Variants in SMAD1 observed in about 807,000 individuals in gnomAD.
The protein encoded by SMAD1 is MAD, mothers against decapentaplegic homolog 1.
Under a neutral mutation model 41.6 loss-of-function variants are expected in SMAD1, and 6 were observed. The observed-to-expected ratio is 0.14, with a 90% CI of 0.08 to 0.28. The LOEUF (loss-of-function observed/expected upper bound fraction) is 0.28. Among genes scored for constraint, SMAD1 ranks in the 10% least tolerant of loss-of-function variants. The pLI is 1.00. For missense variants in SMAD1, 379 were observed against 582.6 expected (o/e 0.65, Z 3.60); for synonymous variants, 206 against 203.2 (o/e 1.01, Z -0.12).
chr4:145,557,478 C>A (rs905557372), intron 6 of SMAD1, among the ~76,000 whole-genome samples: 38 of 152,182 alleles, frequency 2.5e-4, no homozygotes, highest in African/African-American at 8.9e-4. Context: ...CAGTAATGGG[C>A]AATTAAAAGT....
intron 2 of SMAD1, among the ~76,000 whole-genome samples, chr4:145,522,563 C>T (rs1730803881): frequency 6.6e-6 from 1 of 152,120 alleles, no homozygotes; most frequent in East Asian, 1.9e-4. Flanking sequence ...TGTGTCATTG[C>T]ACTTCAGCCT....
chr4:145,487,653 AAG>A lies in SMAD1; in HGVS notation c.-177+5619_-177+5620del, dbSNP rs538754169. ...GTAGCCACCTTTAAAAAGAAAAGGA[AAG>A]AGAAGAAAAAGGCAGAGCCAAATAG... On this transcript the variant is annotated intron_variant, in intron 1 of 6. Transcript: ENST00000302085. 1.1e-3 allele frequency among the ~76,000 whole-genome samples: 175 copies of A among 152,354 alleles called. No individual in the cohort carries two copies. The South Asian group carries it at 0.033, about 29-fold the overall frequency.
rs532533558 is a variant in SMAD1, at chr4:145,534,924, A to G, written c.401-4880A>G. Among the ~76,000 whole-genome samples the G allele has an allele frequency of 5.3e-4, 80 of 152,346 alleles. 1 individual carries two copies. Among genetic ancestry groups the G allele is most frequent in the African/African-American group, 1.8e-3 (76 of 41,590 alleles). ...TTGATAAATGTGCCTACCAAAAAAT[A>G]TACATAAGTGAAAAGACAAATGATA... On this transcript the variant is annotated intron_variant, in intron 2 of 6. Transcript: ENST00000302085.
At chr4:145,516,237 T>G (rs191765441) in intron 2 of SMAD1, among the ~76,000 whole-genome samples, 3 of 152,172 alleles carry the variant, frequency 2.0e-5, no homozygotes, top group Admixed American at 6.5e-5. Flanking sequence ...TCCATGACAA[T>G]ATGTAATATT....
At chr4:145,548,399 T>G (rs189352103) in intron 5 of SMAD1, among the ~76,000 whole-genome samples, 1 of 152,102 alleles carries the variant, frequency 6.6e-6, no homozygotes, top group African/African-American at 2.4e-5. Context: ...CTCGGCTAAT[T>G]TTTGTATATT....
Position 145,514,948 on chromosome 4 carries a change from C to T in SMAD1, c.335C>T (p.Pro112Leu). ...AAACCACTGGAATGCTGTGAGTTTC[C>T]TTTTGGTTCCAAGCAGAAGGAGGTC... ...ELKPLECCEFPFGSKQKEVCI... is the reference protein window; with the variant it reads ...ELKPLECCEFLFGSKQKEVCI... Residue 112 changes from proline to leucine, a missense_variant, in exon 2 of 7, where the codon CCT (proline) becomes CTT (leucine). By Grantham distance (98) the Pro-to-Leu change is moderately conservative (BLOSUM62 -3). Transcript: ENST00000302085. The surrounding 1 kb of genome is among the most constrained non-coding windows in gnomAD (Gnocchi z 4.7). The T allele has an allele frequency of 6.2e-7, 1 of 1,613,954 alleles. No homozygotes were observed. The highest frequency in any genetic ancestry group is 8.5e-7 in the Non-Finnish European group (1 of 1,179,998).
chr4:145,533,061 C>T (rs1261330290), intron 2 of SMAD1, among the ~76,000 whole-genome samples: 2 of 152,194 alleles, frequency 1.3e-5, no homozygotes, highest in Non-Finnish European at 2.9e-5. Flanking sequence ...GAGAGAACCA[C>T]GCATTGTCCT....
At chr4:145,515,148 G>A (rs1730304943) in intron 2 of SMAD1, 135 bp downstream of exon 2, 1 of 657,854 alleles carries the variant, frequency 1.5e-6, no homozygotes. Context: ...GTGTGTGTGT[G>A]TGTGTGTGTG....
At chr4:145,515,858 A>G (rs923829021) in intron 2 of SMAD1, among the ~76,000 whole-genome samples, 4 of 152,170 alleles carry the variant, frequency 2.6e-5, no homozygotes, top group Admixed American at 2.6e-4. Flanking sequence ...CTCTCCTCCC[A>G]GAAATCCTGA....
chr4:145,554,092 T>C (rs1280777287), intron 6 of SMAD1, 52 bp downstream of exon 6: 7 of 73,852 alleles, frequency 9.5e-5, no homozygotes, highest in African/African-American at 2.5e-4. Context: ...TTTGCTGTGC[T>C]TTTTTTTTTT....
In SMAD1 at chr4:145,493,321, T is replaced by C. The variant is rs537447701; in HGVS notation, c.-177+11283T>C. On this transcript the variant is annotated intron_variant, in intron 1 of 6. Coordinates refer to ENST00000302085, the MANE Select transcript of SMAD1 (RefSeq NM_005900.3). The stretch of plus-strand genomic sequence containing the variant: ...ACAGTGGATATTGCTGTAGAAATTA[T>C]ACAGCTGGTTGCGTATAGCTTGCCA... 1.7e-4 allele frequency among the ~76,000 whole-genome samples: 26 copies of C among 152,380 alleles called. No homozygotes were observed. The South Asian group carries it at 5.0e-3, about 29-fold the overall frequency.
chr4:145,556,017 C>G (rs1197224144), intron 6 of SMAD1, among the ~76,000 whole-genome samples: 1 of 152,172 alleles, frequency 6.6e-6, no homozygotes, highest in African/African-American at 2.4e-5. Context: ...TTTTACAAAA[C>G]TGTTCTTTAT....
chr4:145,535,081 G>A (rs1012640676), intron 2 of SMAD1, among the ~76,000 whole-genome samples: 3 of 152,040 alleles, frequency 2.0e-5, no homozygotes, highest in Admixed American at 1.3e-4. Context: ...AGATAGAAAA[G>A]CGCTGTCTGA....
chr4:145,490,328 T>C (rs571531315), intron 1 of SMAD1, among the ~76,000 whole-genome samples: 2 of 152,314 alleles, frequency 1.3e-5, no homozygotes, highest in South Asian at 4.1e-4. Context: ...CTGTGCACTT[T>C]TGCTGATTTT....
At chr4:145,522,954 G>A (rs1450089851) in intron 2 of SMAD1, among the ~76,000 whole-genome samples, 1 of 152,176 alleles carries the variant, frequency 6.6e-6, no homozygotes, top group East Asian at 1.9e-4. Flanking sequence ...TGGGATTACA[G>A]GCGTGAGCCA....
chr4:145,514,476 A>G lies in SMAD1; in HGVS notation c.-138A>G. ...TACTTTTTTAAACACTAGGAATGGT[A>G]ATTTCTACTCTTCTGGACTTCAAAC... On this transcript the variant is annotated 5_prime_UTR_variant, in exon 2 of 7. Transcript: ENST00000302085. This position sits in a 1 kb window ranked among gnomAD's most constrained non-coding sequence, Gnocchi z 4.7. 1.3e-6 allele frequency: 1 copy of G among 780,090 alleles called. No homozygotes were observed. Among genetic ancestry groups the G allele is most frequent in the Non-Finnish European group, 2.0e-6 (1 of 507,842 alleles). 48.3% of individuals were successfully genotyped at this position (780,090 alleles called of 1,614,324 possible). A position where few individuals can be genotyped will look rare whatever the true frequency, so the allele number is the denominator to read the frequency against.
intron 1 of SMAD1, among the ~76,000 whole-genome samples, chr4:145,504,962 T>C (rs137911732): frequency 1.0e-3 from 158 of 152,352 alleles, no homozygotes; most frequent in Non-Finnish European, 1.8e-3. Context: ...TTTCCAACCT[T>C]TGTGTTTTTA....
intron 2 of SMAD1, among the ~76,000 whole-genome samples, chr4:145,517,704 C>G (rs1321546008): frequency 4.3e-5 from 3 of 70,136 alleles, no homozygotes; most frequent in African/African-American, 9.6e-5. Flanking sequence ...ACCTTTTGAC[C>G]ATCTTCTTCC....
chr4:145,539,534 AT>A (rs1348738836), intron 2 of SMAD1, among the ~76,000 whole-genome samples: 1 of 152,166 alleles, frequency 6.6e-6, no homozygotes, highest in East Asian at 1.9e-4. Context: ...AACCTAAAAG[AT>A]TGTATTTTGC....
Sources: allele counts gnomAD v4.1 joint callset (sites outside exome capture counted in the v4.1 genomes callset), GRCh38; gene constraint gnomAD v4.1.1; non-coding constraint Gnocchi (gnomAD v3.1); transcripts MANE v1.5; gene names NCBI Gene and HGNC (gene_info 2026-07-23, HGNC 2026-07-21).